HEMK2: variants seen among roughly 807,000 people sequenced by gnomAD.
The protein encoded by HEMK2 is methyltransferase HEMK2.
the HEMK2 span, among the ~76,000 whole-genome samples, chr21:28,786,031 C>A: frequency 2.0e-5 from 3 of 152,230 alleles, no homozygotes; most frequent in Non-Finnish European, 2.9e-5. Flanking sequence ...TACCTCTAGA[C>A]AACAAATTCA....
chr21:28,685,942 T>C, the HEMK2 span, among the ~76,000 whole-genome samples: 37 of 152,208 alleles, frequency 2.4e-4, no homozygotes, highest in Non-Finnish European at 4.7e-4. Flanking sequence ...TATTCAGGTG[T>C]TGGCTGAAAC....
chr21:28,866,259 T>C, the HEMK2 span, among the ~76,000 whole-genome samples: 2 of 151,006 alleles, frequency 1.3e-5, no homozygotes, highest in African/African-American at 2.4e-5. Flanking sequence ...GAGGATCACT[T>C]GAGCTTGAGA....
the HEMK2 span, among the ~76,000 whole-genome samples, chr21:28,659,152 C>CTGTCTGATAAACTAG: frequency 6.6e-6 from 1 of 152,112 alleles, no homozygotes; most frequent in African/African-American, 2.4e-5. Flanking sequence ...CTCTCCATAT[C>CTGTCTGATAAACTAG]TGTCTGATAA....
the HEMK2 span, among the ~76,000 whole-genome samples, chr21:28,580,994 G>A: frequency 5.3e-5 from 8 of 152,096 alleles, no homozygotes; most frequent in Non-Finnish European, 8.8e-5. Context: ...CATTGCCAAC[G>A]TGAATAATGG....
the HEMK2 span, among the ~76,000 whole-genome samples, chr21:28,841,449 T>C: frequency 4.0e-5 from 4 of 98,838 alleles, no homozygotes; most frequent in East Asian, 9.6e-4. Context: ...ATATATAAAA[T>C]ATTATATATA....
the HEMK2 span, among the ~76,000 whole-genome samples, chr21:28,830,377 C>A: frequency 1.4e-4 from 22 of 152,186 alleles, no homozygotes; most frequent in African/African-American, 4.8e-4. Flanking sequence ...CTCTTTCTAC[C>A]ATGGTGAGAC....
the HEMK2 span, among the ~76,000 whole-genome samples, chr21:28,796,174 G>A: frequency 1.2e-4 from 18 of 152,052 alleles, no homozygotes; most frequent in East Asian, 5.8e-4. Flanking sequence ...TCACTCTGTC[G>A]CCCAGGATGG....
chr21:28,826,738 C>A, the HEMK2 span, among the ~76,000 whole-genome samples: 1 of 152,356 alleles, frequency 6.6e-6, no homozygotes, highest in Non-Finnish European at 1.5e-5. Context: ...CAACTAACTC[C>A]TGCAAAATGC....
chr21:28,745,862 A>G, the HEMK2 span, among the ~76,000 whole-genome samples: 5 of 152,324 alleles, frequency 3.3e-5, no homozygotes, highest in South Asian at 8.3e-4. Context: ...AGCACTTTCC[A>G]AACCTTAGCT....
At chr21:28,741,213 G>T in the HEMK2 span, among the ~76,000 whole-genome samples, 1 of 152,072 alleles carries the variant, frequency 6.6e-6, no homozygotes. Flanking sequence ...CATCTCCAAT[G>T]TCACACTCAC....
At chr21:28,731,452 G>A in the HEMK2 span, among the ~76,000 whole-genome samples, 45 of 152,182 alleles carry the variant, frequency 3.0e-4, no homozygotes, top group Admixed American at 2.2e-3. Flanking sequence ...CCCATTTCAG[G>A]AATGATGCTG....
At chr21:28,863,428 A>G in the HEMK2 span, among the ~76,000 whole-genome samples, 3 of 38,040 alleles carry the variant, frequency 7.9e-5, no homozygotes. Context: ...ATATATATAT[A>G]TATATATATA....
At chr21:28,733,678 C>T in the HEMK2 span, among the ~76,000 whole-genome samples, 1 of 152,068 alleles carries the variant, frequency 6.6e-6, no homozygotes, top group South Asian at 2.1e-4. Context: ...AGGAGTTTTG[C>T]CCCATGTAAC....
chr21:28,698,330 G>GAT, the HEMK2 span, among the ~76,000 whole-genome samples: 57 of 151,674 alleles, frequency 3.8e-4, 2 homozygotes, highest in South Asian at 7.7e-3. Context: ...CTGGAGAGCA[G>GAT]ATATATATAT....
the HEMK2 span, among the ~76,000 whole-genome samples, chr21:28,727,383 A>C: frequency 6.6e-6 from 1 of 152,220 alleles, no homozygotes; most frequent in Admixed American, 6.5e-5. Context: ...CTAAGAATCA[A>C]CTCTTTGGTT....
the HEMK2 span, among the ~76,000 whole-genome samples, chr21:28,784,862 G>T: frequency 6.6e-6 from 1 of 152,176 alleles, no homozygotes; most frequent in East Asian, 1.9e-4. Context: ...CTTCCACAAT[G>T]TGGAAGCTTT....
the HEMK2 span, among the ~76,000 whole-genome samples, chr21:28,862,883 G>C: frequency 6.6e-6 from 1 of 152,114 alleles, no homozygotes; most frequent in African/African-American, 2.4e-5. Context: ...TATTTGGGTC[G>C]GGGATTGGTG....
the HEMK2 span, among the ~76,000 whole-genome samples, chr21:28,580,035 C>A: frequency 6.6e-6 from 1 of 152,146 alleles, no homozygotes; most frequent in Non-Finnish European, 1.5e-5. Flanking sequence ...TCTAAGAGAT[C>A]ATTAAGAAAT....
chr21:28,583,983 A>G, the HEMK2 span, among the ~76,000 whole-genome samples: 1 of 152,200 alleles, frequency 6.6e-6, no homozygotes, highest in Non-Finnish European at 1.5e-5. Flanking sequence ...TCAAAAGAAA[A>G]TGTACAGGAG....
Sources: gnomAD v4.1 joint callset for allele counts (sites outside exome capture counted in the v4.1 genomes callset) on GRCh38, gnomAD v4.1.1 for gene constraint, MANE v1.5 for transcripts, NCBI Gene and HGNC (gene_info 2026-07-23, HGNC 2026-07-21) for gene names.